DYRK1B: variants seen among roughly 807,000 people sequenced by gnomAD.
DYRK1B encodes the protein dual specificity tyrosine-phosphorylation-regulated kinase 1B.
DYRK1B carries 20 observed loss-of-function variants against 57.1 expected under a neutral mutation model. The ratio of observed to expected loss-of-function variants is 0.35; its 90% CI spans 0.25 to 0.51. The LOEUF (loss-of-function observed/expected upper bound fraction) is 0.51. Among genes scored for constraint, DYRK1B ranks in the 20% least tolerant of loss-of-function variants. The pLI is 0.96. For synonymous variants in DYRK1B, 409 were observed against 384.7 expected (o/e 1.06, Z -0.74); for missense variants, 732 against 886.3 (o/e 0.83, Z 2.21).
chr19:39,829,272 G>GC (rs1821541694), intron 5 of DYRK1B, among the ~76,000 whole-genome samples: 1 of 151,442 alleles, frequency 6.6e-6, no homozygotes, highest in Non-Finnish European at 1.5e-5. Flanking sequence ...CTGTCATCAG[G>GC]CTGGAGTGCA....
chr19:39,825,708 G>A lies in DYRK1B; in HGVS notation c.*7C>T. 1 of 1,547,554 alleles carries A rather than the reference G, an allele frequency of 6.5e-7. No homozygotes were observed. The highest frequency in any genetic ancestry group is 8.7e-7 in the Non-Finnish European group (1 of 1,147,532). ...GCTTCAGGAGGGGCCCCAGGGAGGG[G>A]GCAGGGTCACGAGCTGGCTGCTGTG... On this transcript the variant is annotated 3_prime_UTR_variant, in exon 11 of 11. Coordinates refer to ENST00000323039, the MANE Select transcript of DYRK1B (RefSeq NM_004714.3).
Position 39,825,956 on chromosome 19 carries a change from C to T in DYRK1B, c.1649G>A (p.Gly550Asp), listed in dbSNP as rs577233094. Reference sequence around the variant, plus strand: ...TGGTGAGGTTGGTGATGGGGGACGACCAAGGTATCGGGGCTGGGGGGGTAA... The same window carrying T: ...TGGTGAGGTTGGTGATGGGGGACGATCAAGGTATCGGGGCTGGGGGGGTAA... ...AQLPPQPRYL[G>D]RPPSPTSPPP... Residue 550 changes from glycine to aspartate, a missense_variant, in exon 11 of 11, where the codon GGT becomes GAT. Gly to Asp is a moderately conservative substitution (Grantham distance 94, BLOSUM62 -1). This residue lies in a region of DYRK1B where 222 missense variants were observed against 205.0 expected (regional missense o/e 1.08). Coordinates refer to ENST00000323039, the MANE Select transcript of DYRK1B (RefSeq NM_004714.3). 1.3e-6 allele frequency: 2 copies of T among 1,529,934 alleles called. No individual in the cohort carries two copies. The highest frequency in any genetic ancestry group is 2.6e-5 in the South Asian group (2 of 77,348). The allele number at this position is 1,529,934 out of a possible 1,614,324, so 94.8% of individuals were successfully genotyped here. A position where few individuals can be genotyped will look rare whatever the true frequency, so the allele number is the denominator to read the frequency against.
Position 39,826,356 on chromosome 19 carries a change from G to A in DYRK1B, c.1412-70C>T. On this transcript the variant is annotated intron_variant, in intron 9 of 10. Coordinates refer to ENST00000323039, the MANE Select transcript of DYRK1B (RefSeq NM_004714.3). The surrounding 1 kb of genome is among the most constrained non-coding windows in gnomAD (Gnocchi z 6.3). ...AAGGTGGCGAGTGGGTTTTGGGATG[G>A]CTGAGGGAAGGTCACGGCCCAGGCT... 1.5e-6 allele frequency: 2 copies of A among 1,293,864 alleles called. No individual in the cohort carries two copies. The highest frequency in any genetic ancestry group is 2.5e-5 in the East Asian group (1 of 39,886). 80.1% of individuals were successfully genotyped at this position (1,293,864 alleles called of 1,614,324 possible). A position where few individuals can be genotyped will look rare whatever the true frequency, so the allele number is the denominator to read the frequency against.
Position 39,828,768 on chromosome 19 carries a change from GTC to G in DYRK1B, c.521-187_521-186del, listed in dbSNP as rs777512327. Among the ~76,000 whole-genome samples, 15 of 152,136 alleles carry G rather than the reference GTC, an allele frequency of 9.9e-5. No individual in the cohort carries two copies. Among genetic ancestry groups the G allele is most frequent in the Non-Finnish European group, 2.1e-4 (14 of 68,028 alleles). On this transcript the variant is annotated intron_variant, in intron 5 of 10. Transcript: ENST00000323039. The surrounding 1 kb of genome is among the most constrained non-coding windows in gnomAD (Gnocchi z 4.3). ...CACAGGAAGTTAATGCTCTTTCCAA[GTC>G]TCTGTCAAACCCTCCAATTAAACCA...
Position 39,826,811 on chromosome 19 carries a change from C to T in DYRK1B, c.1272G>A (p.Gly424=), listed in dbSNP as rs1198523729. Reference sequence around the variant, plus strand: ...GGCGGAAGAAGCCGTGCTGCAGAGCCCCCAGGGGGCTGATGCGGGCGGCGG... The same window carrying T: ...GGCGGAAGAAGCCGTGCTGCAGAGCTCCCAGGGGGCTGATGCGGGCGGCGG... ...YEPAARISPL[G]ALQHGFFRRT... Residue 424 remains glycine, a synonymous_variant, in exon 9 of 11, where the codon GGG becomes GGA. Coordinates refer to ENST00000323039, the MANE Select transcript of DYRK1B (RefSeq NM_004714.3). The surrounding 1 kb of genome is among the most constrained non-coding windows in gnomAD (Gnocchi z 6.3). 1.3e-6 allele frequency: 2 copies of T among 1,521,814 alleles called. No homozygotes were observed. Among genetic ancestry groups the T allele is most frequent in the Non-Finnish European group, 1.8e-6 (2 of 1,136,700 alleles). The allele number at this position is 1,521,814 out of a possible 1,614,324, so 94.3% of individuals were successfully genotyped here.
intron 2 of DYRK1B, among the ~76,000 whole-genome samples, chr19:39,831,549 T>C (rs1461981766): frequency 1.3e-5 from 2 of 152,216 alleles, no homozygotes; most frequent in Non-Finnish European, 2.9e-5. Context: ...ATTGGCCCCA[T>C]TTCACAGAAT....
chr19:39,828,228 CT>C lies in DYRK1B; in HGVS notation c.807+68del, dbSNP rs1409818549. ...ATCCCATCCCAGCCAAGCCCCGCCCCTAAGCCTCCCGTTGGCTCTGCCCCAC... is the reference window on the plus strand; with the variant it reads ...ATCCCATCCCAGCCAAGCCCCGCCCCAAGCCTCCCGTTGGCTCTGCCCCAC... On this transcript the variant is annotated intron_variant, in intron 6 of 10. Coordinates refer to ENST00000323039, the MANE Select transcript of DYRK1B (RefSeq NM_004714.3). The surrounding 1 kb of genome is among the most constrained non-coding windows in gnomAD (Gnocchi z 4.3). The C allele has an allele frequency of 7.1e-6, 11 of 1,552,610 alleles. No individual in the cohort carries two copies. Among genetic ancestry groups the C allele is most frequent in the Admixed American group, 3.5e-5 (2 of 57,358 alleles).
Position 39,828,422 on chromosome 19 carries a change from G to A in DYRK1B, c.682C>T (p.Leu228=), listed in dbSNP as rs1968639882. ...ATGATGCTGAGCTCAGGCGTGGCCA[G>A]AAAGAGCAGTGCCGTGCAGAGCTGC... ...AQQLCTALLF[L]ATPELSIIHC... is the part of the protein sequence containing the mutation. The change falls in exon 6 of 11, where the codon CTG becomes TTG. Residue 228 remains leucine, a synonymous_variant. Transcript: ENST00000323039. The surrounding 1 kb of genome is among the most constrained non-coding windows in gnomAD (Gnocchi z 4.3). 6 of 1,613,952 alleles carry A rather than the reference G, an allele frequency of 3.7e-6. No individual in the cohort carries two copies. The highest frequency in any genetic ancestry group is 4.2e-6 in the Non-Finnish European group (5 of 1,179,966).
rs1487262465 is a variant in DYRK1B, at chr19:39,825,773, G to C, written c.1832C>G (p.Thr611Ser). ...ACGGAGGCCCAGGTGAGGCCCCAGA[G>C]TGGCAGGGTCATCAGGAGGCGGGAG... is the stretch of plus-strand genomic sequence containing the variant. ...PPLPPPDDPATLGPHLGLRGV... is the reference protein window; with the variant it reads ...PPLPPPDDPASLGPHLGLRGV... The change falls in exon 11 of 11, where the codon ACT becomes AGT. Residue 611 changes from threonine (T) to serine (S), a missense_variant. This residue lies in a region of DYRK1B where 222 missense variants were observed against 205.0 expected (regional missense o/e 1.08). Transcript: ENST00000323039. 1 of 1,570,756 alleles carries C rather than the reference G, an allele frequency of 6.4e-7. No homozygotes were observed. The highest frequency in any genetic ancestry group is 1.4e-5 in the African/African-American group (1 of 73,704).
intron 4 of DYRK1B, 168 bp downstream of exon 4, chr19:39,830,207 G>A: frequency 8.8e-7 from 1 of 1,136,352 alleles, no homozygotes; most frequent in Non-Finnish European, 1.3e-6. Flanking sequence ...ACGACCTTAT[G>A]TTGAGTCTTG....
chr19:39,833,266 C>G (rs1968908824), intron 1 of DYRK1B: 3 of 985,514 alleles, frequency 3.0e-6, no homozygotes, highest in Non-Finnish European at 3.6e-6. Context: ...CCACCCCCTA[C>G]CCGGGTCAGG....
At chr19:39,829,791 TGA>T (rs1968720939) in intron 5 of DYRK1B, 87 bp downstream of exon 5, 1 of 1,473,454 alleles carries the variant, frequency 6.8e-7, no homozygotes, top group Non-Finnish European at 9.2e-7. Context: ...AGCCTCCTCC[TGA>T]GAGTAGGGCG....
In DYRK1B at chr19:39,826,673, A is replaced by G; in HGVS notation, c.1410T>C (p.Ser470=). 6.2e-7 allele frequency: 1 copy of G among 1,600,008 alleles called. No individual in the cohort carries two copies. Residue 470 remains serine (S), a splice_region_variant and synonymous_variant, in exon 9 of 11, where the codon TCT becomes TCC. Transcript: ENST00000323039. This position sits in a 1 kb window ranked among gnomAD's most constrained non-coding sequence, Gnocchi z 6.3. The part of the protein sequence containing the change: ...SSSTASSISS[S]GGSSGSSSDN... ...CCATTTGGGCACCTGGGCACCCACC[A>G]GAACTGGAGATGGAGCTGGCGGTGC...
At chr19:39,833,422 AC>A in intron 1 of DYRK1B, 1 of 908,808 alleles carries the variant, frequency 1.1e-6, no homozygotes, top group Non-Finnish European at 1.3e-6. Flanking sequence ...GGCAAGCGGG[AC>A]AGGAGGCCCG....
At chr19:39,830,259 G>A in intron 4 of DYRK1B, 116 bp downstream of exon 4, 2 of 1,372,134 alleles carry the variant, frequency 1.5e-6, no homozygotes, top group South Asian at 2.5e-5. Flanking sequence ...GAGGCACAGG[G>A]AAACTAAGTG....
At position 39,831,889 on chromosome 19, in the gene DYRK1B, G is replaced by A; in HGVS notation, c.-22C>T. 1.4e-6 allele frequency: 2 copies of A among 1,467,216 alleles called. No homozygotes were observed. Among genetic ancestry groups the A allele is most frequent in the South Asian group, 2.7e-5 (2 of 74,100 alleles). The allele number at this position is 1,467,216 out of a possible 1,614,324, so 90.9% of individuals were successfully genotyped here. ...CCATGGTGGGCTCAGAGGGCCGCAG[G>A]GGAGCGAGGCCTGGAGCGGGAGCCC... is the stretch of plus-strand genomic sequence containing the variant. On this transcript the variant is annotated 5_prime_UTR_variant, in exon 2 of 11. Transcript: ENST00000323039.
At chr19:39,829,193 T>C (rs1479120289) in intron 5 of DYRK1B, among the ~76,000 whole-genome samples, 1 of 149,338 alleles carries the variant, frequency 6.7e-6, no homozygotes, top group South Asian at 2.1e-4. Context: ...GTTGTAACTG[T>C]TGTTGTTGTT....
chr19:39,825,517 G>A lies in DYRK1B; in HGVS notation c.*198C>T. The A allele has an allele frequency of 1.7e-6, 1 of 592,310 alleles. No individual in the cohort carries two copies. Among genetic ancestry groups the A allele is most frequent in the Non-Finnish European group, 3.0e-6 (1 of 337,096 alleles). The allele number at this position is 592,310 out of a possible 1,614,324, so 36.7% of individuals were successfully genotyped here. ...AAAAAAAGGGGGAGAGGGGCCCAAG[G>A]GTCCAGTCCTTAGTGGGGAGGGAGC... On this transcript the variant is annotated 3_prime_UTR_variant, in exon 11 of 11. Coordinates refer to ENST00000323039, the MANE Select transcript of DYRK1B (RefSeq NM_004714.3).
intron 1 of DYRK1B, chr19:39,832,998 C>T (rs1239754675): frequency 1.0e-6 from 1 of 985,154 alleles, no homozygotes; most frequent in East Asian, 1.1e-4. Context: ...CTCTTTATAC[C>T]AGGGTCATTC....
Sources: allele counts gnomAD v4.1 joint callset (sites outside exome capture counted in the v4.1 genomes callset), GRCh38; gene constraint gnomAD v4.1.1; regional missense constraint gnomAD v4.1.1; non-coding constraint Gnocchi (gnomAD v3.1); transcripts MANE v1.5; gene names NCBI Gene and HGNC (gene_info 2026-07-23, HGNC 2026-07-21).